Variants in TENM1 observed in about 807,000 individuals in gnomAD.
The protein encoded by TENM1 is teneurin-1.
A neutral mutation model predicts 174.8 loss-of-function variants in TENM1; 35 were observed. That is an observed-to-expected ratio of 0.20 (90% CI 0.15 to 0.27). The LOEUF (loss-of-function observed/expected upper bound fraction) is 0.27, where lower values mean the gene tolerates loss of function less well. Ranked by LOEUF, TENM1 falls within the 10% of genes least tolerant of loss-of-function variation. TENM1 has a pLI of 1.00. For missense variants in TENM1, 1,633 were observed against 2,130.1 expected (o/e 0.77, Z 4.59); for synonymous variants, 781 against 798.7 (o/e 0.98, Z 0.37).
chrX:124,485,546 G>A (rs1473897394), intron 21 of TENM1, among the ~76,000 whole-genome samples: 1 of 111,641 alleles, frequency 9.0e-6, no homozygotes, highest in Non-Finnish European at 1.9e-5. Context: ...CCAGTTTGTG[G>A]AGTTTCAATT....
At chrX:124,565,625 A>G in intron 11 of TENM1, 65 bp from the exon 15 acceptor site, 1 of 792,338 alleles carries the variant, frequency 1.3e-6, no homozygotes, top group Non-Finnish European at 1.7e-6. Context: ...TTCTTCCAAA[A>G]AACATTATAA....
At chrX:124,669,345 C>A (rs1409954367) in intron 6 of TENM1, among the ~76,000 whole-genome samples, 2 of 111,344 alleles carry the variant, frequency 1.8e-5, no homozygotes, top group Non-Finnish European at 3.8e-5. Context: ...AATGCCCAAT[C>A]TTCTAGGAGA....
intron 1 of TENM1, among the ~76,000 whole-genome samples, chrX:124,946,099 C>T (rs914036440): frequency 2.7e-5 from 3 of 111,832 alleles, no homozygotes; most frequent in African/African-American, 9.8e-5. Flanking sequence ...TGGGTTGCTA[C>T]AGGCATTCCA....
At chrX:124,915,522 C>G (rs2057908427) in intron 1 of TENM1, among the ~76,000 whole-genome samples, 1 of 112,186 alleles carries the variant, frequency 8.9e-6, no homozygotes, top group Non-Finnish European at 1.9e-5. Flanking sequence ...GAGACTTTGT[C>G]TCAAAAAGAA....
chrX:124,511,630 G>A (rs950027039), intron 18 of TENM1, among the ~76,000 whole-genome samples: 1 of 111,765 alleles, frequency 8.9e-6, no homozygotes, highest in African/African-American at 3.3e-5. Context: ...ATGCCTACCA[G>A]GCAGGAATGT....
chrX:124,710,377 A>G (rs2053017465), intron 4 of TENM1, among the ~76,000 whole-genome samples: 1 of 112,131 alleles, frequency 8.9e-6, no homozygotes, highest in African/African-American at 3.2e-5. Context: ...AAAATCTTCA[A>G]TCTTTTGCAC....
Position 124,638,433 on chromosome X carries a change from G to A in TENM1, c.2077+3358C>T, listed in dbSNP as rs1412855999. 3.6e-5 allele frequency among the ~76,000 whole-genome samples: 4 copies of A among 111,614 alleles called. No individual in the cohort carries two copies. The Admixed American group carries it at 3.8e-4, about 11-fold the overall frequency. On this transcript the variant is annotated intron_variant, in intron 11 of 31. Transcript: ENST00000422452. ...TGAGGCATCAGGAAGGGCACATAAA[G>A]GATGTGAGTGATCTGAGGGAGCAAT...
intron 18 of TENM1, among the ~76,000 whole-genome samples, 155 bp from the exon 22 acceptor site, chrX:124,503,858 A>G (rs2047385760): frequency 8.9e-6 from 1 of 112,403 alleles, no homozygotes. Flanking sequence ...ACAGTACAAC[A>G]TTGCATCTAG....
At chrX:124,398,108 A>G (rs904066082) in intron 27 of TENM1, among the ~76,000 whole-genome samples, 2 of 108,822 alleles carry the variant, frequency 1.8e-5, no homozygotes, top group African/African-American at 6.7e-5. Context: ...GGCGCCTGTA[A>G]TCCCAGCTAC....
the TENM1 span, among the ~76,000 whole-genome samples, chrX:124,969,001 C>T: frequency 8.2e-4 from 92 of 111,811 alleles, no homozygotes; most frequent in African/African-American, 2.8e-3. Context: ...GATAGGTTCC[C>T]ATGTGCTTAA....
At chrX:124,755,194 T>C (rs1165791814) in intron 3 of TENM1, among the ~76,000 whole-genome samples, 12 of 105,794 alleles carry the variant, frequency 1.1e-4, no homozygotes, top group Non-Finnish European at 1.9e-4. Flanking sequence ...CATATATATT[T>C]AGGATAGTCA....
chrX:124,417,458 C>T (rs187069297), intron 25 of TENM1, among the ~76,000 whole-genome samples: 76 of 111,201 alleles, frequency 6.8e-4, no homozygotes, highest in Non-Finnish European at 1.3e-3. Context: ...GTGATCCACC[C>T]GCCTTGGCCT....
intron 3 of TENM1, among the ~76,000 whole-genome samples, chrX:124,891,264 G>T (rs2048819909): frequency 9.0e-6 from 1 of 111,350 alleles, no homozygotes; most frequent in South Asian, 3.8e-4. Flanking sequence ...TGTAGTCAAT[G>T]TTAACATCAT....
At chrX:124,665,223 C>T (rs768577255) in intron 6 of TENM1, among the ~76,000 whole-genome samples, 10 of 111,458 alleles carry the variant, frequency 9.0e-5, no homozygotes, top group African/African-American at 3.3e-4. Context: ...GCCTCTAATC[C>T]TAGCTACTCG....
chrX:124,801,373 T>C (rs2055444601), intron 3 of TENM1, among the ~76,000 whole-genome samples: 1 of 111,854 alleles, frequency 8.9e-6, no homozygotes, highest in African/African-American at 3.3e-5. Flanking sequence ...TTGATCTTTG[T>C]TGGTTTAAAG....
At chrX:124,573,137 T>G (rs1169427926) in intron 11 of TENM1, among the ~76,000 whole-genome samples, 1 of 111,934 alleles carries the variant, frequency 8.9e-6, no homozygotes, top group Non-Finnish European at 1.9e-5. Context: ...AATTTTAGTA[T>G]ATTTATGCAG....
chrX:125,118,315 C>T, the TENM1 span, among the ~76,000 whole-genome samples: 1 of 111,116 alleles, frequency 9.0e-6, no homozygotes, highest in East Asian at 2.8e-4. Context: ...GCCCAGACTA[C>T]TCCACTATGC....
rs776040890 is a variant in TENM1, at chrX:124,421,101, G to A, written c.4472-280C>T. Among the ~76,000 whole-genome samples the A allele has an allele frequency of 1.3e-3, 150 of 111,884 alleles. 1 individual carries two copies. Among genetic ancestry groups the A allele is most frequent in the Admixed American group, 2.4e-3 (25 of 10,534 alleles). ...CTGTTCAGAATCTATTGTATTATAA[G>A]AAACAAGAACTGCAAATAATGATAG... On this transcript the variant is annotated intron_variant, in intron 24 of 31. Transcript: ENST00000422452.
In TENM1 at chrX:124,788,025, C is replaced by T. The variant is rs139837970; in HGVS notation, c.536-50828G>A. On this transcript the variant is annotated intron_variant, in intron 3 of 31. Transcript: ENST00000422452. The stretch of plus-strand genomic sequence containing the variant: ...GCAGCAGGCAAAAAGGGAGCTTGTG[C>T]GGGGCAACTCCCGTTTTAAAAACCA... Among the ~76,000 whole-genome samples the T allele has an allele frequency of 2.4e-4, 27 of 111,279 alleles. No individual in the cohort carries two copies. In the South Asian group the frequency reaches 3.9e-3, roughly 16 times the overall value.
Sources: gnomAD v4.1 joint callset for allele counts (sites outside exome capture counted in the v4.1 genomes callset) on GRCh38, gnomAD v4.1.1 for gene constraint, MANE v1.5 for transcripts, NCBI Gene and HGNC (gene_info 2026-07-23, HGNC 2026-07-21) for gene names.